DSG1: variants seen among roughly 807,000 people sequenced by gnomAD.
DSG1 encodes the protein desmoglein 1, also known as desmoglein-1.
DSG1 carries 39 observed loss-of-function variants against 97.5 expected under a neutral mutation model. That is an observed-to-expected ratio of 0.40 (90% CI 0.31 to 0.52). The LOEUF is 0.52. Ranked by LOEUF, DSG1 falls within the 20% of genes least tolerant of loss-of-function variation. DSG1 has a pLI of 0.53. For missense variants in DSG1, 1,311 were observed against 1,295.4 expected (o/e 1.01, Z -0.18); for synonymous variants, 475 against 443.4 (o/e 1.07, Z -0.90).
intron 9 of DSG1, among the ~76,000 whole-genome samples, chr18:31,337,087 A>G (rs16961673): frequency 0.18 from 27,849 of 152,150 alleles, 4,550 homozygotes; most frequent in African/African-American, 0.44. Flanking sequence ...GGAAAACTAC[A>G]CCATGTAATT....
At chr18:31,347,787 A>T (rs1423872244) in intron 14 of DSG1, 1 of 152,110 alleles carries the variant, frequency 6.6e-6, no homozygotes, top group East Asian at 1.9e-4. Context: ...TCATGTTGCA[A>T]TAAACCTTCA....
chr18:31,321,368 AG>A (rs2071652802), intron 1 of DSG1, among the ~76,000 whole-genome samples: 1 of 152,114 alleles, frequency 6.6e-6, no homozygotes, highest in African/African-American at 2.4e-5. Context: ...GACAAGCAAA[AG>A]AGAGAGCTCT....
rs376331428 is a variant in DSG1, at chr18:31,336,511, G to C, written c.1163G>C (p.Gly388Ala). The part of the protein sequence containing the change: ...NVIEGPVFRP[G>A]SKTYVVTGNM... ...ATTGAAGGCCCAGTGTTTCGTCCAG[G>C]TTCAAAGACATATGTTGTAACTGGT... The change falls in exon 9 of 15, where the codon GGT becomes GCT. Residue 388 changes from glycine to alanine, a missense_variant. This residue lies in a region of DSG1 where 1,038 missense variants were observed against 964.6 expected (regional missense o/e 1.08). Transcript: ENST00000257192. 6 of 1,613,956 alleles carry C rather than the reference G, an allele frequency of 3.7e-6. No homozygotes were observed. The highest frequency in any genetic ancestry group is 2.7e-5 in the African/African-American group (2 of 75,020).
At position 31,354,806 on chromosome 18, in the gene DSG1, C is replaced by A. The variant is rs773412647; in HGVS notation, c.2610C>A (p.Gly870=). The A allele has an allele frequency of 5.0e-6, 8 of 1,614,008 alleles. No individual in the cohort carries two copies. The highest frequency in any genetic ancestry group is 6.8e-6 in the Non-Finnish European group (8 of 1,180,016). The change falls in exon 15 of 15, where the codon GGC becomes GGA. Residue 870 remains glycine (G), a synonymous_variant. Coordinates refer to ENST00000257192, the MANE Select transcript of DSG1 (RefSeq NM_001942.4). ...TGGTAGTGACAGAGAGAGTGGTCGG[C>A]CCAATCTCTGGCGCTGATTTGCATG... The part of the protein sequence containing the change: ...SNVVVTERVV[G]PISGADLHGM...
chr18:31,358,310 A>T lies in DSG1; in HGVS notation c.*2964A>T, dbSNP rs1054930613. ...AGCTAATTTTGACACTGAATTACAGATATATCTGCTACATATTATTTACTT... is the reference window on the plus strand; with the variant it reads ...AGCTAATTTTGACACTGAATTACAGTTATATCTGCTACATATTATTTACTT... On this transcript the variant is annotated 3_prime_UTR_variant, in exon 15 of 15. Transcript: ENST00000257192. Among the ~76,000 whole-genome samples the T allele has an allele frequency of 1.3e-5, 2 of 151,990 alleles. No individual in the cohort carries two copies. The highest frequency in any genetic ancestry group is 6.5e-5 in the Admixed American group (1 of 15,268).
chr18:31,354,259 A>T (rs113433194), intron 14 of DSG1, 38 bp from the exon 15 acceptor site: 2 of 1,561,566 alleles, frequency 1.3e-6, no homozygotes, highest in Non-Finnish European at 1.8e-6. Flanking sequence ...TTAAATATGC[A>T]TTCATAATTT....
At chr18:31,320,148 T>C (rs1330630701) in intron 1 of DSG1, among the ~76,000 whole-genome samples, 4 of 152,124 alleles carry the variant, frequency 2.6e-5, no homozygotes, top group African/African-American at 9.7e-5. Context: ...ATGGGATAAT[T>C]TTGGTAATTG....
intron 11 of DSG1, among the ~76,000 whole-genome samples, chr18:31,341,182 C>A (rs2071786755): frequency 6.6e-6 from 1 of 152,170 alleles, no homozygotes; most frequent in African/African-American, 2.4e-5. Flanking sequence ...AGAACAGGAG[C>A]TCTAAAGTAA....
intron 14 of DSG1, among the ~76,000 whole-genome samples, chr18:31,352,831 A>C (rs2071910969): frequency 7.1e-6 from 1 of 140,478 alleles, no homozygotes; most frequent in Middle Eastern, 3.5e-3. Context: ...CAGCTCCTTT[A>C]AGCACTTCTC....
chr18:31,347,336 C>T (rs932412708), intron 14 of DSG1, among the ~76,000 whole-genome samples: 1 of 152,098 alleles, frequency 6.6e-6, no homozygotes, highest in African/African-American at 2.4e-5. Context: ...ATCAGAGACC[C>T]CTTCCTTGAT....
At chr18:31,331,218 A>G (rs142902369) in intron 5 of DSG1, among the ~76,000 whole-genome samples, 60 of 152,240 alleles carry the variant, frequency 3.9e-4, no homozygotes, top group African/African-American at 1.3e-3. Context: ...TGCATTATTC[A>G]TTAGGAACTT....
At chr18:31,336,730 T>C (rs2071756928) in intron 9 of DSG1, 117 bp downstream of exon 9, 1 of 1,124,822 alleles carries the variant, frequency 8.9e-7, no homozygotes, top group Non-Finnish European at 1.3e-6. Context: ...GAAACTATCA[T>C]TTAATTGTAA....
chr18:31,318,478 T>G (rs1485297585), intron 1 of DSG1, 130 bp downstream of exon 1: 1 of 791,264 alleles, frequency 1.3e-6, no homozygotes, highest in African/African-American at 1.7e-5. Flanking sequence ...GACAAGATGA[T>G]TTTATGAACT....
At position 31,330,030 on chromosome 18, in the gene DSG1, A is replaced by G. The variant is rs1188441256; in HGVS notation, c.511A>G (p.Asn171Asp). 3.7e-6 allele frequency: 6 copies of G among 1,612,888 alleles called. No homozygotes were observed. The African/African-American group carries it at 6.7e-5, about 18-fold the overall frequency. Residue 171 changes from asparagine to aspartate, a missense_variant, in exon 5 of 15, where the codon AAT (asparagine) becomes GAT (aspartate). Physicochemically the swap from Asn to Asp is conservative, Grantham distance 23. Around this residue, in one of 3 missense-constraint regions of DSG1, gnomAD observed 259 missense variants for 304.1 expected, o/e 0.85. Coordinates refer to ENST00000257192, the MANE Select transcript of DSG1 (RefSeq NM_001942.4). ...TGCAGGACAAATAGAAGAAAATTCTAATGCAAGTAAGTAATGTAGTGGCTT... is the reference window on the plus strand; with the variant it reads ...TGCAGGACAAATAGAAGAAAATTCTGATGCAAGTAAGTAATGTAGTGGCTT... ...TFAGQIEENS[N>D]ANTLVMILNA... is the part of the protein sequence containing the mutation.
chr18:31,354,595 C>T lies in DSG1; in HGVS notation c.2399C>T (p.Ser800Phe). 1 of 1,614,178 alleles carries T rather than the reference C, an allele frequency of 6.2e-7. No homozygotes were observed. Among genetic ancestry groups the T allele is most frequent in the Non-Finnish European group, 8.5e-7 (1 of 1,180,022 alleles). Residue 800 changes from serine (S) to phenylalanine (F), a missense_variant, in exon 15 of 15, where the codon TCC (serine) becomes TTC (phenylalanine). Transcript: ENST00000257192. ...EPVVSGHPPI[S>F]PHFGTTTVIS... ...GTTGTTAGTGGACACCCACCAATCT[C>T]CCCACATTTCGGCACTACCACAGTA...
At chr18:31,348,052 T>C (rs1406086845) in intron 14 of DSG1, among the ~76,000 whole-genome samples, 1 of 151,810 alleles carries the variant, frequency 6.6e-6, no homozygotes, top group Non-Finnish European at 1.5e-5. Flanking sequence ...TGTGCCATGC[T>C]GGTGCGCTGC....
intron 13 of DSG1, chr18:31,345,259 G>C (rs1317444820): frequency 1.3e-5 from 2 of 152,012 alleles, no homozygotes; most frequent in African/African-American, 4.8e-5. Context: ...AAAGCCAGTG[G>C]ATACATATCC....
chr18:31,324,525 C>T (rs1017637481), intron 1 of DSG1, among the ~76,000 whole-genome samples: 1 of 152,158 alleles, frequency 6.6e-6, no homozygotes, highest in African/African-American at 2.4e-5. Context: ...ATCATCTTCA[C>T]CCAGGCATTA....
intron 8 of DSG1, among the ~76,000 whole-genome samples, chr18:31,334,959 T>G (rs76032505): frequency 0.015 from 2,328 of 152,278 alleles, 60 homozygotes; most frequent in African/African-American, 0.052. Context: ...TGTTTATGGA[T>G]TGTATATGTT....
Sources: gnomAD v4.1 joint callset for allele counts (sites outside exome capture counted in the v4.1 genomes callset) on GRCh38, gnomAD v4.1.1 for gene constraint, gnomAD v4.1.1 regional missense constraint, MANE v1.5 for transcripts, NCBI Gene and HGNC (gene_info 2026-07-23, HGNC 2026-07-21) for gene names.